The following THSD7A variants were observed in gnomAD, a reference collection of about 807,000 sequenced individuals.
The protein encoded by THSD7A is thrombospondin type-1 domain-containing protein 7A.
A neutral mutation model predicts 231.3 loss-of-function variants in THSD7A; 96 were observed. The observed-to-expected ratio is 0.41, with a 90% CI of 0.35 to 0.49. The LOEUF (loss-of-function observed/expected upper bound fraction) is 0.49, where lower values mean the gene tolerates loss of function less well. THSD7A is among the 20% of genes least tolerant of loss of function. The pLI, the probability that THSD7A is intolerant of heterozygous loss-of-function variation, is 0.05. For missense variants in THSD7A, 2,290 were observed against 2,070.2 expected (o/e 1.11, Z -2.06); for synonymous variants, 940 against 743.3 (o/e 1.26, Z -4.30).
At chr7:11,507,690 T>A (rs1016526219) in intron 6 of THSD7A, among the ~76,000 whole-genome samples, 2 of 152,092 alleles carry the variant, frequency 1.3e-5, no homozygotes, top group African/African-American at 4.8e-5. Context: ...ATTTTTATAA[T>A]GAGTAAATAT....
chr7:11,652,923 G>A (rs1197842348), intron 1 of THSD7A, among the ~76,000 whole-genome samples: 1 of 151,902 alleles, frequency 6.6e-6, no homozygotes, highest in African/African-American at 2.4e-5. Flanking sequence ...AAAATAATCA[G>A]TAGGTGATCA....
At chr7:11,611,406 A>G (rs1410442345) in intron 2 of THSD7A, among the ~76,000 whole-genome samples, 1 of 151,966 alleles carries the variant, frequency 6.6e-6, no homozygotes, top group Non-Finnish European at 1.5e-5. Flanking sequence ...GCTATTCTTC[A>G]GAGTGTACTA....
chr7:11,812,153 G>A (rs1322587045), intron 1 of THSD7A, among the ~76,000 whole-genome samples: 1 of 151,526 alleles, frequency 6.6e-6, no homozygotes, highest in Non-Finnish European at 1.5e-5. Flanking sequence ...GAGACAGAGA[G>A]AGAGATATGG....
intron 19 of THSD7A, among the ~76,000 whole-genome samples, chr7:11,409,363 G>A (rs1783702244): frequency 6.6e-6 from 1 of 152,182 alleles, no homozygotes; most frequent in Admixed American, 6.5e-5. Context: ...TTAAGTCCTT[G>A]AAGACAGTGT....
intron 4 of THSD7A, among the ~76,000 whole-genome samples, chr7:11,578,983 T>C (rs1395517141): frequency 6.7e-6 from 1 of 149,350 alleles, no homozygotes; most frequent in Non-Finnish European, 1.5e-5. Context: ...CTTTGAGTTC[T>C]TGAATTGCAT....
Position 11,411,185 on chromosome 7 carries a change from A to T in THSD7A, c.3798+22T>A, listed in dbSNP as rs768263678. On this transcript the variant is annotated intron_variant, in intron 19 of 27. Transcript: ENST00000423059. This position sits in a 1 kb window ranked among gnomAD's most constrained non-coding sequence, Gnocchi z 4.1. ...ATTAGGGAAGAATTTACTCGCGAAG[A>T]TATAACACAGCATCCACCTACCGCT... 1.9e-6 allele frequency: 3 copies of T among 1,572,414 alleles called. No homozygotes were observed. In the South Asian group the frequency reaches 3.3e-5, roughly 18 times the overall value.
intron 4 of THSD7A, among the ~76,000 whole-genome samples, chr7:11,562,483 T>C (rs1790116123): frequency 6.7e-6 from 1 of 149,064 alleles, no homozygotes; most frequent in Non-Finnish European, 1.5e-5. Context: ...CTGATACGTA[T>C]TTTTTTTTCC....
At chr7:11,380,858 C>T (rs578130698) in intron 24 of THSD7A, among the ~76,000 whole-genome samples, 1 of 152,080 alleles carries the variant, frequency 6.6e-6, no homozygotes, top group African/African-American at 2.4e-5. Context: ...CCATTGTACA[C>T]TTTGCTGAAT....
intron 1 of THSD7A, among the ~76,000 whole-genome samples, chr7:11,724,806 A>T (rs766449752): frequency 7.2e-5 from 11 of 151,938 alleles, no homozygotes; most frequent in Admixed American, 1.3e-4. Context: ...CATATGTATA[A>T]GTAGATGTAA....
rs1782174611 is a variant in THSD7A at position 11,743,374 on chromosome 7, C to A, written c.190+88383G>T. On this transcript the variant is annotated intron_variant, in intron 1 of 27. Coordinates refer to ENST00000423059, the MANE Select transcript of THSD7A (RefSeq NM_015204.3). ...CGTCCACTGAGAATATTCACCTTGA[C>A]CTGAGACATCAAATTTACATGTTTT... 2.0e-5 allele frequency among the ~76,000 whole-genome samples: 3 copies of A among 151,724 alleles called. No individual in the cohort carries two copies. The South Asian group carries it at 6.2e-4, about 32-fold the overall frequency.
chr7:11,444,945 CTA>C lies in THSD7A; in HGVS notation c.3064+1114_3064+1115del, dbSNP rs970214510. ...CTATATATGTATATATAGAATGAAA[CTA>C]TATATATGTATATATATATTAAATG... On this transcript the variant is annotated intron_variant, in intron 13 of 27. Transcript: ENST00000423059. The surrounding 1 kb of genome is among the most constrained non-coding windows in gnomAD (Gnocchi z 4.2). Among the ~76,000 whole-genome samples, 3 of 147,250 alleles carry C rather than the reference CTA, an allele frequency of 2.0e-5. No individual in the cohort carries two copies. The highest frequency in any genetic ancestry group is 7.4e-5 in the African/African-American group (3 of 40,480).
At chr7:11,666,770 T>TA (rs1266993453) in intron 1 of THSD7A, among the ~76,000 whole-genome samples, 2 of 151,514 alleles carry the variant, frequency 1.3e-5, no homozygotes, top group Admixed American at 1.3e-4. Context: ...TAAAAGCATA[T>TA]AAAGACTTTT....
At chr7:11,683,065 G>C (rs1783927993) in intron 1 of THSD7A, among the ~76,000 whole-genome samples, 1 of 149,984 alleles carries the variant, frequency 6.7e-6, no homozygotes, top group East Asian at 2.0e-4. Context: ...AATTTGCAGT[G>C]AGCCGAGATC....
intron 1 of THSD7A, among the ~76,000 whole-genome samples, chr7:11,752,254 G>T (rs1316416071): frequency 6.6e-6 from 1 of 152,014 alleles, no homozygotes; most frequent in African/African-American, 2.4e-5. Flanking sequence ...GGGTCGAGGA[G>T]TTTCAGTCTC....
chr7:11,759,422 C>G (rs550478652), intron 1 of THSD7A, among the ~76,000 whole-genome samples: 1 of 152,094 alleles, frequency 6.6e-6, no homozygotes, highest in South Asian at 2.1e-4. Context: ...AGATATTAAT[C>G]TGTAGAAATC....
chr7:11,698,972 ATTT>A (rs58228910), intron 1 of THSD7A, among the ~76,000 whole-genome samples: 41,129 of 142,674 alleles, frequency 0.29, 5,932 homozygotes, highest in South Asian at 0.49. Flanking sequence ...AATGTCACTG[ATTT>A]TTTTTTTTTT....
At chr7:11,486,297 A>G (rs1429955239) in intron 6 of THSD7A, among the ~76,000 whole-genome samples, 1 of 152,198 alleles carries the variant, frequency 6.6e-6, no homozygotes. Flanking sequence ...GTTTTGCATA[A>G]CATTACTTCA....
intron 4 of THSD7A, among the ~76,000 whole-genome samples, chr7:11,568,499 C>T (rs923508018): frequency 2.0e-5 from 3 of 151,748 alleles, no homozygotes; most frequent in South Asian, 2.1e-4. Context: ...GTGGCAGGTG[C>T]CTGTAGTCCC....
chr7:11,694,311 A>C (rs917061295), intron 1 of THSD7A, among the ~76,000 whole-genome samples: 6 of 151,554 alleles, frequency 4.0e-5, no homozygotes, highest in African/African-American at 1.5e-4. Context: ...TGTTTTTCCC[A>C]GGCCACCAGA....
Sources: allele counts gnomAD v4.1 joint callset (sites outside exome capture counted in the v4.1 genomes callset), GRCh38; gene constraint gnomAD v4.1.1; non-coding constraint Gnocchi (gnomAD v3.1); transcripts MANE v1.5; gene names NCBI Gene and HGNC (gene_info 2026-07-23, HGNC 2026-07-21).